IL16: variants seen among roughly 807,000 people sequenced by gnomAD.
IL16 encodes interleukin 16, also known as pro-interleukin-16.
IL16 carries 67 observed loss-of-function variants against 110.1 expected under a neutral mutation model. That is an observed-to-expected ratio of 0.61 (90% confidence interval 0.50 to 0.75). The LOEUF (loss-of-function observed/expected upper bound fraction) is 0.75. Ranked by LOEUF, IL16 falls within the 30% of genes least tolerant of loss-of-function variation. IL16 has a pLI of 0.00. For synonymous variants in IL16, 689 were observed against 662.9 expected (o/e 1.04, Z -0.61); for missense variants, 1,545 against 1,655.0 (o/e 0.93, Z 1.15).
chr15:81,306,804 C>T (rs1002771588), intron 18 of IL16: 18 of 506,394 alleles, frequency 3.6e-5, no homozygotes, highest in Non-Finnish European at 6.5e-5. Flanking sequence ...GTTGGCAGGG[C>T]CAGGACTCTA....
At chr15:81,220,464 C>G (rs970110200) in intron 1 of IL16, among the ~76,000 whole-genome samples, 3 of 152,134 alleles carry the variant, frequency 2.0e-5, no homozygotes, top group African/African-American at 7.2e-5. Flanking sequence ...CTAAGATATT[C>G]TTTTAGAAAG....
At position 81,301,396 on chromosome 15, in the gene IL16, G is replaced by T. The variant is rs780126340; in HGVS notation, c.3202G>T (p.Asp1068Tyr). The T allele has an allele frequency of 1.6e-5, 26 of 1,613,860 alleles. No individual in the cohort carries two copies. The Admixed American group carries it at 4.3e-4, about 27-fold the overall frequency. Residue 1068 changes from aspartate to tyrosine, a missense_variant, in exon 15 of 19, where the codon GAT becomes TAT. This residue lies in a region of IL16 where 356 missense variants were observed against 399.3 expected (regional missense o/e 0.89). Coordinates refer to ENST00000683961, the MANE Select transcript of IL16 (RefSeq NM_172217.5). ...GGGTCTCACGGAAGCCAAGGAAGAC[G>T]ATGATGGGGACCACAGTTCCCTTCA... is the stretch of plus-strand genomic sequence containing the variant. ...TEGLTEAKED[D>Y]DGDHSSLQSG...
intron 5 of IL16, among the ~76,000 whole-genome samples, chr15:81,271,874 G>A (rs1898657885): frequency 1.3e-5 from 2 of 152,170 alleles, no homozygotes; most frequent in Admixed American, 6.5e-5. Flanking sequence ...CAAGAAGATG[G>A]AGGACAGCGT....
At chr15:81,196,795 C>G (rs1423473671), upstream of IL16, 13 of 1,083,410 alleles carry the variant, frequency 1.2e-5, no homozygotes, top group Non-Finnish European at 1.4e-5. Context: ...CTGGCAGCCC[C>G]CCTTTTTGGA....
At chr15:81,272,127 A>T (rs1054203650) in intron 5 of IL16, among the ~76,000 whole-genome samples, 1 of 152,252 alleles carries the variant, frequency 6.6e-6, no homozygotes, top group Non-Finnish European at 1.5e-5. Context: ...GAGGCCAGAC[A>T]CAGAAATAAG....
At chr15:81,297,221 TC>T in intron 13 of IL16, 143 bp downstream of exon 13, 2 of 809,076 alleles carry the variant, frequency 2.5e-6, no homozygotes, top group South Asian at 1.9e-5. Flanking sequence ...AGTCAAGGGT[TC>T]CAGGTGCTGG....
intron 1 of IL16, among the ~76,000 whole-genome samples, chr15:81,210,797 G>A (rs1345027197): frequency 6.6e-6 from 1 of 152,166 alleles, no homozygotes; most frequent in African/African-American, 2.4e-5. Flanking sequence ...AAGAGAGATA[G>A]TTTGACTTCT....
chr15:81,308,736 A>G lies in IL16; in HGVS notation c.3937A>G (p.Thr1313Ala). The change falls in exon 19 of 19, where the codon ACG (threonine) becomes GCG (alanine). Residue 1313 changes from threonine to alanine, a missense_variant. Coordinates refer to ENST00000683961, the MANE Select transcript of IL16 (RefSeq NM_172217.5). ...CAAGGCACTGCCTGATGGACCTGTC[A>G]CGATTGTCATCAGGAGAAAAAGCCT... ...IIKALPDGPV[T>A]IVIRRKSLQS... 6.2e-7 allele frequency: 1 copy of G among 1,614,188 alleles called. No homozygotes were observed. Among genetic ancestry groups the G allele is most frequent in the Non-Finnish European group, 8.5e-7 (1 of 1,180,022 alleles).
chr15:81,273,508 C>T (rs1306976729), intron 6 of IL16, among the ~76,000 whole-genome samples: 3 of 152,160 alleles, frequency 2.0e-5, no homozygotes, highest in Admixed American at 1.3e-4. Flanking sequence ...CCCTTCCCTC[C>T]TCTCACCCAT....
Position 81,292,974 on chromosome 15 carries a change from G to A in IL16, c.1839G>A (p.Lys613=). 6.2e-7 allele frequency: 1 copy of A among 1,613,820 alleles called. No homozygotes were observed. Among genetic ancestry groups the A allele is most frequent in the Admixed American group, 1.7e-5 (1 of 60,030 alleles). Residue 613 remains lysine, a synonymous_variant, in exon 12 of 19, where the codon AAG becomes AAA. Transcript: ENST00000683961. ...TTAAAAGTGACAGTGACCCTCAGAAGAGTCTGGAAGAGAGAGAGAACTCCT... is the reference window on the plus strand; with the variant it reads ...TTAAAAGTGACAGTGACCCTCAGAAAAGTCTGGAAGAGAGAGAGAACTCCT... ...KYFKSDSDPQ[K]SLEERENSSC... is the part of the protein sequence containing the mutation.
chr15:81,259,988 C>T (rs1412005275), intron 3 of IL16, 108 bp downstream of exon 3: 4 of 704,240 alleles, frequency 5.7e-6, no homozygotes, highest in Non-Finnish European at 1.0e-5. Flanking sequence ...AGTAAACTAG[C>T]ATTGGAGTCT....
Position 81,303,429 on chromosome 15 carries a change from TA to T in IL16, c.3319-118del, listed in dbSNP as rs1422211487. On this transcript the variant is annotated intron_variant, in intron 15 of 18. Transcript: ENST00000683961. This position sits in a 1 kb window ranked among gnomAD's most constrained non-coding sequence, Gnocchi z 4.1. ...GAAACTGAGGTTTGAGGAGGTGATGTAACTTGGAGGCTGGCCAAGCTGGGGT... is the reference window on the plus strand; with the variant it reads ...GAAACTGAGGTTTGAGGAGGTGATGTACTTGGAGGCTGGCCAAGCTGGGGT... The T allele has an allele frequency of 2.8e-5, 19 of 678,350 alleles. No individual in the cohort carries two copies. Among genetic ancestry groups the T allele is most frequent in the Admixed American group, 6.7e-5 (3 of 44,782 alleles). 42.0% of individuals were successfully genotyped at this position (678,350 alleles called of 1,614,324 possible).
rs1240260640 is a variant in IL16 at position 81,308,803 on chromosome 15, G to T, written c.*5G>T. The T allele has an allele frequency of 1.2e-6, 2 of 1,607,772 alleles. No homozygotes were observed. The highest frequency in any genetic ancestry group is 2.2e-5 in the South Asian group (2 of 90,410). ...ACAGCTGCTGGAGACTCCTAGGCAG[G>T]ACATGCTGAAGCCAAAGCCAATAAC... On this transcript the variant is annotated 3_prime_UTR_variant, in exon 19 of 19. Transcript: ENST00000683961.
At chr15:81,191,663 G>A (rs1895499394) in intron 1 of IL16, among the ~76,000 whole-genome samples, 1 of 152,208 alleles carries the variant, frequency 6.6e-6, no homozygotes, top group African/African-American at 2.4e-5. Context: ...GTAACGGTGA[G>A]TGCCTGGTTT....
chr15:81,288,397 C>A (rs1899547881), intron 10 of IL16, among the ~76,000 whole-genome samples: 1 of 152,216 alleles, frequency 6.6e-6, no homozygotes, highest in South Asian at 2.1e-4. Context: ...AGTTTACCAT[C>A]TGCCAGGCAT....
chr15:81,281,305 C>G (rs983064496), intron 8 of IL16, among the ~76,000 whole-genome samples: 1 of 152,204 alleles, frequency 6.6e-6, no homozygotes, highest in African/African-American at 2.4e-5. Context: ...AGGGCCTTCC[C>G]CCACACTGTG....
intron 2 of IL16, among the ~76,000 whole-genome samples, chr15:81,255,865 G>A (rs1446713081): frequency 1.3e-5 from 2 of 152,146 alleles, no homozygotes; most frequent in Non-Finnish European, 2.9e-5. Flanking sequence ...TTGGACTCAG[G>A]ACTTACAAAG....
intron 15 of IL16, 98 bp downstream of exon 15, chr15:81,301,610 C>A: frequency 2.9e-6 from 3 of 1,044,906 alleles, no homozygotes; most frequent in Non-Finnish European, 1.4e-6. Flanking sequence ...GAGTAGCCTG[C>A]TCACATCAGA....
intron 2 of IL16, among the ~76,000 whole-genome samples, chr15:81,256,825 G>T (rs529511475): frequency 6.6e-6 from 1 of 152,162 alleles, no homozygotes; most frequent in Non-Finnish European, 1.5e-5. Context: ...TATGCTCAAT[G>T]GACCCGAAAA....
Sources: gnomAD v4.1 joint callset for allele counts (sites outside exome capture counted in the v4.1 genomes callset) on GRCh38, gnomAD v4.1.1 for gene constraint, gnomAD v4.1.1 regional missense constraint, Gnocchi (gnomAD v3.1) non-coding constraint, MANE v1.5 for transcripts, NCBI Gene and HGNC (gene_info 2026-07-23, HGNC 2026-07-21) for gene names.